Variants in FZD7 observed in about 807,000 individuals in gnomAD.
The protein encoded by FZD7 is frizzled-7.
FZD7 carries 21 observed loss-of-function variants against 39.0 expected under a neutral mutation model. The observed-to-expected ratio is 0.54, with a 90% CI of 0.38 to 0.78. FZD7 has a LOEUF of 0.78. FZD7 is among the 30% of genes least tolerant of loss of function. The probability of loss-of-function intolerance (pLI) is 0.00; values close to 1 mark genes in which losing one functional copy is unlikely to be tolerated. For synonymous variants in FZD7, 428 were observed against 364.9 expected, an observed-to-expected ratio of 1.17 and a Z score of -1.97; for missense variants, 695 against 805.0, an observed-to-expected ratio of 0.86 and a Z score of 1.65.
In FZD7 at chr2:202,035,422, G is replaced by T. The variant is rs769990859; in HGVS notation, c.775G>T (p.Val259Leu). 5.6e-6 allele frequency: 9 copies of T among 1,613,918 alleles called. No homozygotes were observed. The South Asian group carries it at 8.8e-5, about 16-fold the overall frequency. ...ERRFARLWVG[V>L]WSVLCCASTL... The stretch of plus-strand genomic sequence containing the variant: ...GCGCTTCGCCCGCCTCTGGGTGGGC[G>T]TGTGGTCCGTGCTGTGCTGCGCCTC... Residue 259 changes from valine to leucine, a missense_variant, in exon 1 of 1, where the codon GTG becomes TTG. Transcript: ENST00000286201.
chr2:202,034,728 C>T lies in FZD7; in HGVS notation c.81C>T (p.Ser27=). The T allele has an allele frequency of 6.2e-7, 1 of 1,611,362 alleles. No homozygotes were observed. The highest frequency in any genetic ancestry group is 8.5e-7 in the Non-Finnish European group (1 of 1,179,684). The change falls in exon 1 of 1, where the codon TCC becomes TCT. Residue 27 remains serine (S), a synonymous_variant. Transcript: ENST00000286201. ...TGCTGGCGCTGCTGGGCGCACTGTC[C>T]GCGGGCGCCGGGGCGCAGCCGTACC... ...ALVLALLGAL[S]AGAGAQPYHG... is the part of the protein sequence containing the mutation.
At position 202,034,062 on chromosome 2, in the gene FZD7, C is replaced by T. The variant is rs889577621; in HGVS notation, c.-586C>T. On this transcript the variant is annotated 5_prime_UTR_variant, in exon 1 of 1. Transcript: ENST00000286201. ...GGCCGAGATCGGACTCAGCAAGAGC[C>T]GGCCGTTTGGCTGAAACTTGGGGCC... Among the ~76,000 whole-genome samples the T allele has an allele frequency of 3.3e-5, 5 of 151,944 alleles. No individual in the cohort carries two copies. Among genetic ancestry groups the T allele is most frequent in the Admixed American group, 2.6e-4 (4 of 15,264 alleles).
chr2:202,035,625 G>A lies in FZD7; in HGVS notation c.978G>A (p.Thr326=), dbSNP rs148824946. Residue 326 remains threonine, a synonymous_variant, in exon 1 of 1, where the codon ACG becomes ACA. Transcript: ENST00000286201. ...GCTTCTCGGACGATGGCTACCGCAC[G>A]GTGGCGCAGGGCACCAAGAAGGAGG... ...VERFSDDGYR[T]VAQGTKKEGC... is the part of the protein sequence containing the mutation. 5.3e-4 allele frequency: 859 copies of A among 1,614,084 alleles called. No individual in the cohort carries two copies. Among genetic ancestry groups the A allele is most frequent in the Non-Finnish European group, 6.6e-4 (775 of 1,180,044 alleles).
chr2:202,033,878 GGGCGGC>G lies in FZD7; in HGVS notation c.-749_-744del, dbSNP rs565338234. On this transcript the variant is annotated 5_prime_UTR_variant, in exon 1 of 1. Transcript: ENST00000286201. Reference sequence around the variant, plus strand: ...GCGTTAGTCGGCGCTCACTCCCGGCGGGCGGCGGCGGCGGCGGCGGCGGCGGGCGCC... The same window carrying G: ...GCGTTAGTCGGCGCTCACTCCCGGCGGGCGGCGGCGGCGGCGGCGGGCGCC... 1.4e-4 allele frequency among the ~76,000 whole-genome samples: 21 copies of G among 150,508 alleles called. No homozygotes were observed. The highest frequency in any genetic ancestry group is 7.8e-4 in the East Asian group (4 of 5,112).
rs995719755 is a variant in FZD7 at position 202,037,956 on chromosome 2, T to G, written c.*1584T>G. 2.4e-5 allele frequency: 4 copies of G among 167,130 alleles called. No individual in the cohort carries two copies. The highest frequency in any genetic ancestry group is 4.8e-5 in the African/African-American group (2 of 41,472). 10.4% of individuals were successfully genotyped at this position (167,130 alleles called of 1,614,324 possible). ...TTCTGTAATAGAACTCGGATTCTTT[T>G]GCATGATGGGGTAAAGCTTAGCAGA... On this transcript the variant is annotated 3_prime_UTR_variant, in exon 1 of 1. Transcript: ENST00000286201.
In FZD7 at chr2:202,037,892, G is replaced by T. The variant is rs1424653430; in HGVS notation, c.*1520G>T. On this transcript the variant is annotated 3_prime_UTR_variant, in exon 1 of 1. Transcript: ENST00000286201. Reference sequence around the variant, plus strand: ...TTCTGGAGTTCTTTGAAATGTGCTGGAAGACTTAAATTTATTAATCTTAAA... The same window carrying T: ...TTCTGGAGTTCTTTGAAATGTGCTGTAAGACTTAAATTTATTAATCTTAAA... 1 of 167,078 alleles carries T rather than the reference G, an allele frequency of 6.0e-6. No individual in the cohort carries two copies. The highest frequency in any genetic ancestry group is 2.4e-5 in the African/African-American group (1 of 41,442). The allele number at this position is 167,078 out of a possible 1,614,324, so 10.3% of individuals were successfully genotyped here. A position where few individuals can be genotyped will look rare whatever the true frequency, so the allele number is the denominator to read the frequency against.
In FZD7 at chr2:202,037,420, G is replaced by T. The variant is rs1688764496; in HGVS notation, c.*1048G>T. Reference sequence around the variant, plus strand: ...GCAGTGTGCTGTCACACACCGTTAAGCCAGAGGTTCTGACTTCGCTAAAGG... The same window carrying T: ...GCAGTGTGCTGTCACACACCGTTAATCCAGAGGTTCTGACTTCGCTAAAGG... On this transcript the variant is annotated 3_prime_UTR_variant, in exon 1 of 1. Transcript: ENST00000286201. 6.0e-6 allele frequency: 1 copy of T among 167,088 alleles called. No individual in the cohort carries two copies. Among genetic ancestry groups the T allele is most frequent in the Non-Finnish European group, 1.5e-5 (1 of 68,126 alleles). 10.4% of individuals were successfully genotyped at this position (167,088 alleles called of 1,614,324 possible). A position where few individuals can be genotyped will look rare whatever the true frequency, so the allele number is the denominator to read the frequency against.
chr2:202,035,676 C>T lies in FZD7; in HGVS notation c.1029C>T (p.Leu343=), dbSNP rs376086280. 1.2e-6 allele frequency: 2 copies of T among 1,613,946 alleles called. No individual in the cohort carries two copies. The highest frequency in any genetic ancestry group is 1.3e-5 in the African/African-American group (1 of 74,956). ...GCTGCACCATCCTCTTCATGGTGCT[C>T]TACTTCTTCGGCATGGCCAGCTCCA... ...KEGCTILFMV[L]YFFGMASSIW... The change falls in exon 1 of 1, where the codon CTC becomes CTT. Residue 343 remains leucine, a synonymous_variant. Coordinates refer to ENST00000286201, the MANE Select transcript of FZD7 (RefSeq NM_003507.2).
chr2:202,035,159 G>A lies in FZD7; in HGVS notation c.512G>A (p.Gly171Asp), dbSNP rs1215406293. ...VGQNTSDGSG[G>D]PGGGPTAYPT... is the part of the protein sequence containing the mutation. ...CAGAACACGTCGGACGGCTCCGGGG[G>A]CCCAGGCGGCGGCCCCACTGCCTAC... The change falls in exon 1 of 1, where the codon GGC becomes GAC. Residue 171 changes from glycine to aspartate, a missense_variant. Gly to Asp is a moderately conservative substitution (Grantham distance 94). Transcript: ENST00000286201. 8 of 1,602,026 alleles carry A rather than the reference G, an allele frequency of 5.0e-6. No homozygotes were observed. The highest frequency in any genetic ancestry group is 6.8e-6 in the Non-Finnish European group (8 of 1,179,442).
chr2:202,035,455 T>G lies in FZD7; in HGVS notation c.808T>G (p.Phe270Val). The change falls in exon 1 of 1, where the codon TTT becomes GTT. Residue 270 changes from phenylalanine to valine, a missense_variant. Coordinates refer to ENST00000286201, the MANE Select transcript of FZD7 (RefSeq NM_003507.2). ...WSVLCCASTLFTVLTYLVDMR... is the reference protein window; with the variant it reads ...WSVLCCASTLVTVLTYLVDMR... ...CGTGCTGTGCTGCGCCTCGACGCTC[T>G]TTACCGTTCTCACCTACCTGGTGGA... 6.2e-7 allele frequency: 1 copy of G among 1,614,148 alleles called. No homozygotes were observed. The highest frequency in any genetic ancestry group is 1.1e-5 in the South Asian group (1 of 91,090).
At position 202,036,050 on chromosome 2, in the gene FZD7, T is replaced by A. The variant is rs1688735588; in HGVS notation, c.1403T>A (p.Met468Lys). 6.2e-7 allele frequency: 1 copy of A among 1,613,986 alleles called. No individual in the cohort carries two copies. The highest frequency in any genetic ancestry group is 1.3e-5 in the African/African-American group (1 of 74,922). The part of the protein sequence containing the change: ...GTKTEKLEKL[M>K]VRIGVFSVLY... ...AAGACCGAGAAGCTGGAGAAGCTCA[T>A]GGTGCGCATCGGCGTCTTCAGCGTG... The change falls in exon 1 of 1, where the codon ATG becomes AAG. Residue 468 changes from methionine (M) to lysine (K), a missense_variant. Met to Lys is a moderately conservative substitution (Grantham distance 95, BLOSUM62 -1). Coordinates refer to ENST00000286201, the MANE Select transcript of FZD7 (RefSeq NM_003507.2).
At position 202,036,660 on chromosome 2, in the gene FZD7, A is replaced by G. The variant is rs1245070037; in HGVS notation, c.*288A>G. ...AGGTACGGGCCAGCTTGTGCCTAATAGAAGGTTGAGACCAGCAGAGACTGC... is the reference window on the plus strand; with the variant it reads ...AGGTACGGGCCAGCTTGTGCCTAATGGAAGGTTGAGACCAGCAGAGACTGC... On this transcript the variant is annotated 3_prime_UTR_variant, in exon 1 of 1. Transcript: ENST00000286201. 9.2e-6 allele frequency: 4 copies of G among 433,652 alleles called. No individual in the cohort carries two copies. Among genetic ancestry groups the G allele is most frequent in the East Asian group, 4.6e-5 (1 of 21,804 alleles). 26.9% of individuals were successfully genotyped at this position (433,652 alleles called of 1,614,324 possible). A position where few individuals can be genotyped will look rare whatever the true frequency, so the allele number is the denominator to read the frequency against.
chr2:202,034,010 AAG>A lies in FZD7; in HGVS notation c.-636_-635del, dbSNP rs2105893754. ...GACGCAGTGTGACTGGGTTTCCAAAAAGAACTCGCCGTGCTCCCGACTCCGGG... is the reference window on the plus strand; with the variant it reads ...GACGCAGTGTGACTGGGTTTCCAAAAAACTCGCCGTGCTCCCGACTCCGGG... On this transcript the variant is annotated 5_prime_UTR_variant, in exon 1 of 1. Coordinates refer to ENST00000286201, the MANE Select transcript of FZD7 (RefSeq NM_003507.2). Among the ~76,000 whole-genome samples, 1 of 151,802 alleles carries A rather than the reference AAG, an allele frequency of 6.6e-6. No homozygotes were observed. The highest frequency in any genetic ancestry group is 2.0e-4 in the East Asian group (1 of 5,116).
chr2:202,035,245 G>A lies in FZD7; in HGVS notation c.598G>A (p.Gly200Ser). ...CGCGCTGCCCCCGGGGGCCTCAGATGGCAGGGGGCGTCCCGCCTTCCCCTT... is the reference window on the plus strand; with the variant it reads ...CGCGCTGCCCCCGGGGGCCTCAGATAGCAGGGGGCGTCCCGCCTTCCCCTT... The part of the protein sequence containing the change: ...FTALPPGASD[G>S]RGRPAFPFSC... The change falls in exon 1 of 1, where the codon GGC (glycine) becomes AGC (serine). Residue 200 changes from glycine (G) to serine (S), a missense_variant. By Grantham distance (56) the Gly-to-Ser change is moderately conservative. Transcript: ENST00000286201. 6.2e-7 allele frequency: 1 copy of A among 1,601,258 alleles called. No homozygotes were observed. The highest frequency in any genetic ancestry group is 8.5e-7 in the Non-Finnish European group (1 of 1,179,112).
In FZD7 at chr2:202,033,988, G is replaced by C. The variant is rs1195678257; in HGVS notation, c.-660G>C. The stretch of plus-strand genomic sequence containing the variant: ...GCACGAGCGCCTCGCGGTTTCGGAC[G>C]CAGTGTGACTGGGTTTCCAAAAAGA... On this transcript the variant is annotated 5_prime_UTR_variant, in exon 1 of 1. Transcript: ENST00000286201. Among the ~76,000 whole-genome samples the C allele has an allele frequency of 6.6e-6, 1 of 151,788 alleles. No homozygotes were observed. Among genetic ancestry groups the C allele is most frequent in the Admixed American group, 6.6e-5 (1 of 15,244 alleles).
chr2:202,035,135 A>C lies in FZD7; in HGVS notation c.488A>C (p.Gln163Pro), dbSNP rs751543710. The C allele has an allele frequency of 1.2e-6, 2 of 1,605,208 alleles. No homozygotes were observed. The highest frequency in any genetic ancestry group is 1.7e-6 in the Non-Finnish European group (2 of 1,179,608). The stretch of plus-strand genomic sequence containing the variant: ...GGTGCGGGCGAGATCTGCGTGGGCC[A>C]GAACACGTCGGACGGCTCCGGGGGC... ...VHGAGEICVGQNTSDGSGGPG... is the reference protein window; with the variant it reads ...VHGAGEICVGPNTSDGSGGPG... Residue 163 changes from glutamine to proline, a missense_variant, in exon 1 of 1, where the codon CAG becomes CCG. Coordinates refer to ENST00000286201, the MANE Select transcript of FZD7 (RefSeq NM_003507.2).
At position 202,036,078 on chromosome 2, in the gene FZD7, C is replaced by CT; in HGVS notation, c.1432dup (p.Tyr478LeufsTer88). The CT allele has an allele frequency of 6.2e-7, 1 of 1,614,064 alleles. No homozygotes were observed. The highest frequency in any genetic ancestry group is 8.5e-7 in the Non-Finnish European group (1 of 1,180,038). ...TGCGCATCGGCGTCTTCAGCGTGCT[C>CT]TACACAGTGCCCGCCACCATCGTCC... On this transcript the variant is annotated frameshift_variant, in exon 1 of 1. Coordinates refer to ENST00000286201, the MANE Select transcript of FZD7 (RefSeq NM_003507.2). LOFTEE classifies it high-confidence loss of function.
rs547303593 is a variant in FZD7, at chr2:202,034,868, C to G, written c.221C>G (p.Thr74Arg). The change falls in exon 1 of 1, where the codon ACG (threonine) becomes AGG (arginine). Residue 74 changes from threonine (T) to arginine (R), a missense_variant. Thr to Arg is a moderately conservative substitution (Grantham distance 71, BLOSUM62 -1). Coordinates refer to ENST00000286201, the MANE Select transcript of FZD7 (RefSeq NM_003507.2). ...ATCCTGCCCAACCTGCTGGGCCACACGAACCAAGAGGACGCGGGCCTCGAG... is the reference window on the plus strand; with the variant it reads ...ATCCTGCCCAACCTGCTGGGCCACAGGAACCAAGAGGACGCGGGCCTCGAG... ...QTILPNLLGH[T>R]NQEDAGLEVH... 21 of 1,614,180 alleles carry G rather than the reference C, an allele frequency of 1.3e-5. No individual in the cohort carries two copies. The South Asian group carries it at 1.3e-4, about 10-fold the overall frequency.
rs1271936629 is a variant in FZD7, at chr2:202,035,099, T to A, written c.452T>A (p.Phe151Tyr). 1 of 1,609,098 alleles carries A rather than the reference T, an allele frequency of 6.2e-7. No homozygotes were observed. The highest frequency in any genetic ancestry group is 1.1e-5 in the South Asian group (1 of 91,006). The change falls in exon 1 of 1, where the codon TTC becomes TAC. Residue 151 changes from phenylalanine (F) to tyrosine (Y), a missense_variant. Phe to Tyr is a conservative substitution (Grantham distance 22). Transcript: ENST00000286201. ...QWPERLRCENFPVHGAGEICV... is the reference protein window; with the variant it reads ...QWPERLRCENYPVHGAGEICV... ...CCCGAGCGGCTGCGCTGCGAGAACT[T>A]CCCGGTGCACGGTGCGGGCGAGATC...
Sources: allele counts gnomAD v4.1 joint callset (sites outside exome capture counted in the v4.1 genomes callset), GRCh38; gene constraint gnomAD v4.1.1; transcripts MANE v1.5; gene names NCBI Gene and HGNC (gene_info 2026-07-23, HGNC 2026-07-21).